Variants in FAM107A observed in about 807,000 individuals in gnomAD.
FAM107A encodes the protein actin-associated protein FAM107A.
Under a neutral mutation model 13.7 loss-of-function variants are expected in FAM107A, and 19 were observed. The ratio of observed to expected loss-of-function variants is 1.38; its 90% CI spans 0.97 to 2.03. FAM107A has a LOEUF of 2.03. FAM107A is among the 30% of genes most tolerant of loss of function. The probability of loss-of-function intolerance (pLI) is 0.00; values close to 1 mark genes in which losing one functional copy is unlikely to be tolerated. For synonymous variants in FAM107A, 82 were observed against 74.5 expected (o/e 1.10, Z -0.52); for missense variants, 203 against 184.4 (o/e 1.10, Z -0.58).
At chr3:58,595,528 G>A (rs928616380) in intron 1 of FAM107A, among the ~76,000 whole-genome samples, 3 of 151,694 alleles carry the variant, frequency 2.0e-5, no homozygotes, top group South Asian at 2.1e-4. Context: ...TAGTCTCCCC[G>A]CCCTTGAGAA....
At chr3:58,616,814 C>G (rs542464391) in intron 1 of FAM107A, among the ~76,000 whole-genome samples, 1 of 152,130 alleles carries the variant, frequency 6.6e-6, no homozygotes, top group Non-Finnish European at 1.5e-5. Context: ...TGCTCTGTCA[C>G]CCAGGCTGGA....
intron 1 of FAM107A, among the ~76,000 whole-genome samples, chr3:58,605,472 G>C (rs1331948580): frequency 1.3e-5 from 2 of 152,304 alleles, no homozygotes; most frequent in East Asian, 1.9e-4. Flanking sequence ...TGAGCTCAGA[G>C]GGACTACCAT....
In FAM107A at chr3:58,604,921, C is replaced by CT. The variant is rs994861588; in HGVS notation, c.-69-15653dup. On this transcript the variant is annotated intron_variant, in intron 1 of 3. Transcript: ENST00000465970. The surrounding 1 kb of genome is among the most constrained non-coding windows in gnomAD (Gnocchi z 4.1). ...TTGTGGAGACTCTGGATTTTGTTAT[C>CT]TTTTTCTGATGAGTGTTAGGTTTTG... Among the ~76,000 whole-genome samples the CT allele has an allele frequency of 6.6e-6, 1 of 152,046 alleles. No individual in the cohort carries two copies. The highest frequency in any genetic ancestry group is 1.5e-5 in the Non-Finnish European group (1 of 68,018).
At chr3:58,626,704 A>C (rs2066021301) in intron 1 of FAM107A, among the ~76,000 whole-genome samples, 1 of 152,046 alleles carries the variant, frequency 6.6e-6, no homozygotes, top group Admixed American at 6.5e-5. Context: ...TTATTCAGGG[A>C]AGTAGAGATG....
intron 1 of FAM107A, among the ~76,000 whole-genome samples, chr3:58,593,015 C>T (rs2065666734): frequency 6.6e-6 from 1 of 152,158 alleles, no homozygotes; most frequent in Non-Finnish European, 1.5e-5. Flanking sequence ...TCTTAAGAAT[C>T]TGACCCCTCA....
upstream of FAM107A, chr3:58,577,460 G>A (rs1575443325): frequency 1.0e-6 from 1 of 985,274 alleles, no homozygotes; most frequent in East Asian, 1.1e-4. This position sits in a 1 kb window ranked among gnomAD's most constrained non-coding sequence, Gnocchi z 4.9. Context: ...GCCAACAAGT[G>A]AGACAGCCTT....
chr3:58,567,354 C>T lies in FAM107A; in HGVS notation c.181G>A (p.Val61Met). The T allele has an allele frequency of 6.2e-7, 1 of 1,610,704 alleles. No homozygotes were observed. The highest frequency in any genetic ancestry group is 8.5e-7 in the Non-Finnish European group (1 of 1,178,986). The change falls in exon 3 of 4, where the codon GTG becomes ATG. Residue 61 changes from valine to methionine, a missense_variant. By Grantham distance (21) the Val-to-Met change is conservative. Coordinates refer to ENST00000360997, the MANE Select transcript of FAM107A (RefSeq NM_001076778.3). ...LLMNHRRGLG[V>M]DSKPELQRVL... The stretch of plus-strand genomic sequence containing the variant: ...CGCTGCAGCTCTGGCTTGCTGTCCA[C>T]ACCAAGGCCCCTGGGGTGGGAAGTG...
At chr3:58,610,608 T>A (rs2065844368) in intron 1 of FAM107A, among the ~76,000 whole-genome samples, 1 of 152,162 alleles carries the variant, frequency 6.6e-6, no homozygotes, top group African/African-American at 2.4e-5. Context: ...GAAGATGAAA[T>A]GAGATAACTG....
intron 1 of FAM107A, among the ~76,000 whole-genome samples, chr3:58,621,502 G>T (rs1229717174): frequency 1.3e-5 from 2 of 152,230 alleles, no homozygotes; most frequent in Non-Finnish European, 2.9e-5. Context: ...TTTTACCATG[G>T]TTGGGGAGGG....
chr3:58,574,412 G>T (rs1304517431), intron 1 of FAM107A: 1 of 152,166 alleles, frequency 6.6e-6, no homozygotes, highest in African/African-American at 2.4e-5. Context: ...GCAAACCATG[G>T]AGTTAAAAAC....
At chr3:58,589,873 C>A (rs1489673489), upstream of FAM107A, among the ~76,000 whole-genome samples, 1 of 152,162 alleles carries the variant, frequency 6.6e-6, no homozygotes, top group Non-Finnish European at 1.5e-5. Flanking sequence ...TCCTGAGGCC[C>A]ATATTCTTTT....
upstream of FAM107A, among the ~76,000 whole-genome samples, chr3:58,587,903 G>C (rs1482327561): frequency 6.6e-6 from 1 of 152,120 alleles, no homozygotes; most frequent in Admixed American, 6.5e-5. Context: ...TATGAAGCAG[G>C]GTCTATTAAC....
intron 1 of FAM107A, among the ~76,000 whole-genome samples, chr3:58,596,678 CA>C (rs34782813): frequency 0.044 from 5,920 of 134,140 alleles, 141 homozygotes; most frequent in Non-Finnish European, 0.062. Context: ...GACTCGGTCT[CA>C]AAAAAAAAAA....
chr3:58,566,351 G>A lies in FAM107A; in HGVS notation c.*237C>T, dbSNP rs1577016372. The A allele has an allele frequency of 2.0e-6, 1 of 503,216 alleles. No individual in the cohort carries two copies. The highest frequency in any genetic ancestry group is 3.5e-5 in the South Asian group (1 of 28,434). The allele number at this position is 503,216 out of a possible 1,614,324, so 31.2% of individuals were successfully genotyped here. A position where few individuals can be genotyped will look rare whatever the true frequency, so the allele number is the denominator to read the frequency against. On this transcript the variant is annotated 3_prime_UTR_variant, in exon 4 of 4. Transcript: ENST00000360997. ...GGGCTCTGAACCCCTTGCAGGGAGGGGTGCAGGTTATCCCTCTTGGAGCAG... is the reference window on the plus strand; with the variant it reads ...GGGCTCTGAACCCCTTGCAGGGAGGAGTGCAGGTTATCCCTCTTGGAGCAG...
chr3:58,598,820 A>G (rs2065728217), intron 1 of FAM107A, among the ~76,000 whole-genome samples: 1 of 151,466 alleles, frequency 6.6e-6, no homozygotes. Context: ...CTATGTTGGT[A>G]TATGTAGATC....
chr3:58,596,160 T>G (rs761853558), intron 1 of FAM107A, among the ~76,000 whole-genome samples: 72 of 152,186 alleles, frequency 4.7e-4, no homozygotes, highest in Non-Finnish European at 1.2e-4. Context: ...ATGTCCTGAT[T>G]GTTGAGAAAA....
At chr3:58,627,068 A>C (rs2066025506) in intron 1 of FAM107A, 466 of 1,446,598 alleles carry the variant, frequency 3.2e-4, no homozygotes, top group Non-Finnish European at 4.0e-4. Flanking sequence ...CGTTGATCTC[A>C]GGAGCCAGGA....
At chr3:58,621,335 A>G (rs1197581483) in intron 1 of FAM107A, among the ~76,000 whole-genome samples, 2 of 151,808 alleles carry the variant, frequency 1.3e-5, no homozygotes, top group Non-Finnish European at 2.9e-5. Context: ...TGGGGTTGTG[A>G]CCTGTGCAGC....
At chr3:58,580,069 C>G (rs1184206440), upstream of FAM107A, among the ~76,000 whole-genome samples, 2 of 152,120 alleles carry the variant, frequency 1.3e-5, no homozygotes, top group African/African-American at 4.8e-5. Context: ...GTGAGATCAG[C>G]GGCCAACCAC....
Sources: gnomAD v4.1 joint callset for allele counts (sites outside exome capture counted in the v4.1 genomes callset) on GRCh38, gnomAD v4.1.1 for gene constraint, Gnocchi (gnomAD v3.1) non-coding constraint, MANE v1.5 for transcripts, NCBI Gene and HGNC (gene_info 2026-07-23, HGNC 2026-07-21) for gene names.